Variants in INSYN2B observed in about 807,000 individuals in gnomAD.
The protein encoded by INSYN2B is protein INSYN2B.
A neutral mutation model predicts 41.2 loss-of-function variants in INSYN2B; 16 were observed. The observed-to-expected ratio is 0.39, with a 90% CI of 0.26 to 0.59. The LOEUF (loss-of-function observed/expected upper bound fraction) is 0.59. Ranked by LOEUF, INSYN2B falls within the 20% of genes least tolerant of loss-of-function variation. The pLI, the probability that INSYN2B is intolerant of heterozygous loss-of-function variation, is 0.57. For missense variants in INSYN2B, 608 were observed against 646.4 expected (o/e 0.94, Z 0.64); for synonymous variants, 245 against 244.4 (o/e 1.00, Z -0.02).
intron 1 of INSYN2B, among the ~76,000 whole-genome samples, chr5:169,928,608 T>C (rs1450918895): frequency 1.3e-5 from 2 of 152,158 alleles, no homozygotes; most frequent in Non-Finnish European, 2.9e-5. Flanking sequence ...GAAAGGACAG[T>C]GTCATGGAGG....
chr5:169,924,187 A>C (rs906482808), intron 1 of INSYN2B, among the ~76,000 whole-genome samples: 5 of 152,212 alleles, frequency 3.3e-5, no homozygotes, highest in African/African-American at 1.2e-4. Context: ...GACCACAGCC[A>C]TCTGACAAGT....
intron 1 of INSYN2B, among the ~76,000 whole-genome samples, chr5:169,885,657 C>A (rs1772929394): frequency 6.6e-6 from 1 of 152,186 alleles, no homozygotes; most frequent in Non-Finnish European, 1.5e-5. Flanking sequence ...TTAATTAAAA[C>A]AACTCATATT....
At chr5:169,910,035 C>T (rs766027850) in intron 1 of INSYN2B, among the ~76,000 whole-genome samples, 1 of 152,116 alleles carries the variant, frequency 6.6e-6, no homozygotes, top group Non-Finnish European at 1.5e-5. Context: ...GCCATTGGAA[C>T]AAATTTGCCA....
chr5:169,929,464 T>C (rs1347131549), intron 1 of INSYN2B, among the ~76,000 whole-genome samples: 1 of 151,946 alleles, frequency 6.6e-6, no homozygotes, highest in Admixed American at 6.6e-5. Context: ...TGGCCAGGTG[T>C]GGTGGCTTAT....
intron 1 of INSYN2B, among the ~76,000 whole-genome samples, chr5:169,932,690 G>T (rs1244445245): frequency 6.6e-6 from 1 of 152,250 alleles, no homozygotes; most frequent in East Asian, 1.9e-4. Context: ...CTCTTTCCCT[G>T]TTCCCTATAT....
chr5:169,963,219 G>T (rs10055680), intron 1 of INSYN2B, among the ~76,000 whole-genome samples: 2 of 152,172 alleles, frequency 1.3e-5, no homozygotes, highest in Admixed American at 6.5e-5. Flanking sequence ...AGTGGTCCAC[G>T]TGGGGTGGGT....
intron 1 of INSYN2B, among the ~76,000 whole-genome samples, chr5:169,908,629 T>C (rs2113610967): frequency 6.6e-6 from 1 of 152,330 alleles, no homozygotes; most frequent in Non-Finnish European, 1.5e-5. Flanking sequence ...ATGACCAATG[T>C]TGCAAAACTA....
intron 1 of INSYN2B, among the ~76,000 whole-genome samples, chr5:169,940,381 A>G (rs1427712681): frequency 2.6e-5 from 4 of 152,192 alleles, no homozygotes; most frequent in African/African-American, 7.2e-5. Flanking sequence ...ATGGTCTCCA[A>G]CCTTTTTGGC....
At chr5:169,887,035 C>T (rs1773013574) in intron 1 of INSYN2B, among the ~76,000 whole-genome samples, 1 of 152,176 alleles carries the variant, frequency 6.6e-6, no homozygotes, top group South Asian at 2.1e-4. Flanking sequence ...TATATTTATA[C>T]CAAGTTATTC....
chr5:169,934,741 CG>C (rs1775909747), intron 1 of INSYN2B: 1 of 455,914 alleles, frequency 2.2e-6, no homozygotes, highest in Admixed American at 2.4e-5. Flanking sequence ...GGGCTGCTCA[CG>C]GGATCAGTGC....
At chr5:169,912,209 C>A (rs1774635318) in intron 1 of INSYN2B, among the ~76,000 whole-genome samples, 1 of 151,964 alleles carries the variant, frequency 6.6e-6, no homozygotes, top group African/African-American at 2.4e-5. Flanking sequence ...ATAGGCCAGG[C>A]TTTTATTTAT....
chr5:169,876,681 G>C (rs1161355439), intron 3 of INSYN2B, among the ~76,000 whole-genome samples: 1 of 152,228 alleles, frequency 6.6e-6, no homozygotes, highest in African/African-American at 2.4e-5. Context: ...CTTACATTCA[G>C]CTTAAAAAGA....
At chr5:169,886,879 G>T (rs1773001759) in intron 1 of INSYN2B, among the ~76,000 whole-genome samples, 1 of 152,216 alleles carries the variant, frequency 6.6e-6, no homozygotes, top group Non-Finnish European at 1.5e-5. Flanking sequence ...TTTCATAAGA[G>T]CTAATGTCTA....
chr5:169,911,480 G>C (rs1288979372), intron 1 of INSYN2B, among the ~76,000 whole-genome samples: 1 of 152,166 alleles, frequency 6.6e-6, no homozygotes, highest in Non-Finnish European at 1.5e-5. Context: ...GATGTTTAAT[G>C]TGGCCAGTGA....
In INSYN2B at chr5:169,922,063, C is replaced by A. The variant is rs979826534; in HGVS notation, c.-918-37247G>T. On this transcript the variant is annotated intron_variant, in intron 1 of 3. Coordinates refer to ENST00000377365, the MANE Select transcript of INSYN2B (RefSeq NM_001129891.3). ...ATGACTCAAATACCTTCTTTCTATT[C>A]TGCTCATTTCCTTTTCTTTTTAGCC... Among the ~76,000 whole-genome samples, 4 of 152,164 alleles carry A rather than the reference C, an allele frequency of 2.6e-5. 1 individual carries two copies. In the South Asian group the frequency reaches 8.3e-4, roughly 31 times the overall value.
At chr5:169,914,754 T>C (rs1189450751) in intron 1 of INSYN2B, among the ~76,000 whole-genome samples, 1 of 152,228 alleles carries the variant, frequency 6.6e-6, no homozygotes, top group African/African-American at 2.4e-5. Flanking sequence ...GCAGGGTCTT[T>C]TAGCCACCTT....
intron 1 of INSYN2B, among the ~76,000 whole-genome samples, chr5:169,953,718 A>G (rs1207956377): frequency 3.9e-5 from 6 of 152,162 alleles, no homozygotes. Context: ...ACTCCTCATT[A>G]GGGACATGCA....
At position 169,940,889 on chromosome 5, in the gene INSYN2B, G is replaced by T. The variant is rs371042983; in HGVS notation, c.-919+39388C>A. ...GTGTTGGGGACCCCAGATCTAGTGG[G>T]TAAGGCCAGGAATGCTGCTGCTAAT... On this transcript the variant is annotated intron_variant, in intron 1 of 3. Coordinates refer to ENST00000377365, the MANE Select transcript of INSYN2B (RefSeq NM_001129891.3). 1.1e-3 allele frequency among the ~76,000 whole-genome samples: 172 copies of T among 152,326 alleles called. 3 individuals are homozygous for T. In the South Asian group the frequency reaches 0.034, roughly 30 times the overall value.
At chr5:169,878,256 A>T (rs532594111) in intron 3 of INSYN2B, among the ~76,000 whole-genome samples, 1 of 152,204 alleles carries the variant, frequency 6.6e-6, no homozygotes, top group Admixed American at 6.5e-5. Flanking sequence ...CCAAACTTCA[A>T]TCACTCATTC....
Sources: allele counts gnomAD v4.1 joint callset (sites outside exome capture counted in the v4.1 genomes callset), GRCh38; gene constraint gnomAD v4.1.1; transcripts MANE v1.5; gene names NCBI Gene and HGNC (gene_info 2026-07-23, HGNC 2026-07-21).